The following CEP350 variants were observed in gnomAD, a reference collection of about 807,000 sequenced individuals.
The protein encoded by CEP350 is centrosome-associated protein 350.
Under a neutral mutation model 331.8 loss-of-function variants are expected in CEP350, and 126 were observed. The observed-to-expected ratio is 0.38, with a 90% confidence interval of 0.33 to 0.44. CEP350 has a LOEUF of 0.44. CEP350 is among the 20% of genes least tolerant of loss of function. CEP350 has a pLI of 1.00. For missense variants in CEP350, 3,406 were observed against 3,634.6 expected, an observed-to-expected ratio of 0.94 and a Z score of 1.62; for synonymous variants, 1,200 against 1,259.5, an observed-to-expected ratio of 0.95 and a Z score of 1.00.
chr1:179,969,117 C>T (rs919977075), intron 1 of CEP350: 35 of 666,408 alleles, frequency 5.3e-5, no homozygotes, highest in Admixed American at 4.9e-4. Flanking sequence ...ATTGCCATCC[C>T]GTGCAACAAT....
chr1:179,981,188 C>T (rs1018956984), intron 1 of CEP350, among the ~76,000 whole-genome samples: 6 of 151,996 alleles, frequency 3.9e-5, no homozygotes, highest in Non-Finnish European at 8.8e-5. Flanking sequence ...GACAAAAATT[C>T]AGTACTTCCA....
At chr1:180,044,850 GAATA>G (rs1423951704) in intron 21 of CEP350, among the ~76,000 whole-genome samples, 1 of 143,884 alleles carries the variant, frequency 7.0e-6, no homozygotes, top group Admixed American at 7.0e-5. Flanking sequence ...TAAAAAAAAA[GAATA>G]ATTAAACATA....
At chr1:180,095,455 C>T in intron 34 of CEP350, 68 bp from the exon 35 acceptor site, 1 of 1,508,672 alleles carries the variant, frequency 6.6e-7, no homozygotes. Context: ...TTTACTCTGT[C>T]TTTTTTTAAA....
intron 1 of CEP350, among the ~76,000 whole-genome samples, chr1:179,984,537 A>G (rs925857745): frequency 1.3e-5 from 2 of 152,192 alleles, no homozygotes; most frequent in Non-Finnish European, 2.9e-5. Context: ...CCAAAGAGAG[A>G]TGAGAATGCG....
At chr1:180,067,599 G>A (rs1658619560) in intron 27 of CEP350, among the ~76,000 whole-genome samples, 1 of 152,138 alleles carries the variant, frequency 6.6e-6, no homozygotes, top group Non-Finnish European at 1.5e-5. Flanking sequence ...TGAGGCAGGA[G>A]AATCACTTGA....
chr1:179,972,561 G>C (rs1296935310), intron 1 of CEP350, among the ~76,000 whole-genome samples: 1 of 152,160 alleles, frequency 6.6e-6, no homozygotes, highest in Non-Finnish European at 1.5e-5. Context: ...CTGGAGTGCA[G>C]TGGTGCAATA....
chr1:180,018,744 A>G (rs1655127074), intron 11 of CEP350, among the ~76,000 whole-genome samples: 1 of 152,162 alleles, frequency 6.6e-6, no homozygotes, highest in South Asian at 2.1e-4. Flanking sequence ...TGGGTCAGCC[A>G]TGCCTCCCAG....
chr1:180,016,658 A>AT lies in CEP350; in HGVS notation c.2174+689dup, dbSNP rs1307105087. Among the ~76,000 whole-genome samples, 42 of 86,712 alleles carry AT rather than the reference A, an allele frequency of 4.8e-4. 1 individual carries two copies. The highest frequency in any genetic ancestry group is 4.3e-3 in the South Asian group (9 of 2,084). 56.9% of individuals were successfully genotyped at this position (86,712 alleles called of 152,430 possible). ...CAAAATCACTATCCAATTTTGGGTT[A>AT]TGTTTTTTTTTTTTTTTTTTGGAGA... On this transcript the variant is annotated intron_variant, in intron 11 of 37. Coordinates refer to ENST00000367607, the MANE Select transcript of CEP350 (RefSeq NM_014810.5).
Position 180,095,771 on chromosome 1 carries a change from A to T in CEP350, c.8760A>T (p.Ala2920=). 6.2e-7 allele frequency: 1 copy of T among 1,614,020 alleles called. No homozygotes were observed. Among genetic ancestry groups the T allele is most frequent in the Non-Finnish European group, 8.5e-7 (1 of 1,179,878 alleles). ...CETLLAVPHT[A]EEVEILVHNA... ...CATTATTGGCAGTCCCCCATACTGC[A>T]GAAGAAGTAGAGATTCTTGTACATA... Residue 2920 remains alanine (A), a synonymous_variant, in exon 35 of 38, where the codon GCA becomes GCT. Transcript: ENST00000367607.
rs776987788 is a variant in CEP350, at chr1:180,020,989, C to G, written c.3215C>G (p.Ser1072Cys). 6.5e-7 allele frequency: 1 copy of G among 1,549,766 alleles called. No homozygotes were observed. Among genetic ancestry groups the G allele is most frequent in the Non-Finnish European group, 8.7e-7 (1 of 1,154,938 alleles). ...PHSVINIFTK[S>C]YQLYGKGFED... is the part of the protein sequence containing the mutation. Reference sequence around the variant, plus strand: ...AGCGTCATTAATATTTTTACAAAATCCTATCAGTTATATGGAAAAGGTGAG... The same window carrying G: ...AGCGTCATTAATATTTTTACAAAATGCTATCAGTTATATGGAAAAGGTGAG... The change falls in exon 12 of 38, where the codon TCC (serine) becomes TGC (cysteine). Residue 1072 changes from serine (S) to cysteine (C), a missense_variant. Ser to Cys is a moderately radical substitution (Grantham distance 112). This residue lies in a region of CEP350 where 1,857 missense variants were observed against 1,909.2 expected (regional missense o/e 0.97). Coordinates refer to ENST00000367607, the MANE Select transcript of CEP350 (RefSeq NM_014810.5).
At chr1:180,041,455 A>G (rs1383128850) in intron 18 of CEP350, among the ~76,000 whole-genome samples, 6 of 152,218 alleles carry the variant, frequency 3.9e-5, no homozygotes, top group Non-Finnish European at 7.3e-5. Context: ...AGTTTAGGGA[A>G]GTGGCAACTG....
At chr1:179,960,939 C>G (rs1650560413) in intron 1 of CEP350, among the ~76,000 whole-genome samples, 1 of 152,044 alleles carries the variant, frequency 6.6e-6, no homozygotes, top group East Asian at 1.9e-4. Context: ...AACTGGCATA[C>G]TGAGGGGTCT....
chr1:180,090,343 G>A (rs1037146965), intron 32 of CEP350, among the ~76,000 whole-genome samples: 6 of 151,322 alleles, frequency 4.0e-5, no homozygotes, highest in African/African-American at 1.2e-4. Flanking sequence ...TCAGGAGATC[G>A]AGACCATCCT....
chr1:180,048,441 T>TAA (rs1657272241), intron 21 of CEP350, 95 bp from the exon 22 acceptor site: 1 of 747,358 alleles, frequency 1.3e-6, no homozygotes, highest in East Asian at 2.5e-5. Context: ...ATCTTGACTA[T>TAA]AAAGTACAGT....
chr1:180,096,306 C>G (rs1383726539), intron 36 of CEP350, 122 bp downstream of exon 36: 1 of 1,035,026 alleles, frequency 9.7e-7, no homozygotes. Context: ...AGGACCTGTT[C>G]CATAGTGGGT....
intron 36 of CEP350, among the ~76,000 whole-genome samples, chr1:180,098,222 G>T (rs779868549): frequency 2.4e-4 from 37 of 152,178 alleles, no homozygotes; most frequent in Non-Finnish European, 7.3e-5. Flanking sequence ...CGCCGCCTTG[G>T]CCTTTCAAAG....
chr1:180,054,538 T>C (rs1250626929), intron 25 of CEP350, 36 bp downstream of exon 25: 3 of 1,441,730 alleles, frequency 2.1e-6, no homozygotes, highest in South Asian at 2.4e-5. Flanking sequence ...GGACAGCTTA[T>C]AAGGCAAGTT....
rs774283760 is a variant in CEP350 at position 180,020,060 on chromosome 1, C to G, written c.2286C>G (p.Leu762=). The change falls in exon 12 of 38, where the codon CTC becomes CTG. Residue 762 remains leucine (L), a synonymous_variant. Transcript: ENST00000367607. The part of the protein sequence containing the change: ...AGTAGSLLSH[L]LSLEHVGILH... ...CAGCTGGAAGTTTACTCTCCCATCTCTTGAGTTTAGAGCATGTAGGAATTT... is the reference window on the plus strand; with the variant it reads ...CAGCTGGAAGTTTACTCTCCCATCTGTTGAGTTTAGAGCATGTAGGAATTT... 1 of 1,614,010 alleles carries G rather than the reference C, an allele frequency of 6.2e-7. No individual in the cohort carries two copies. Among genetic ancestry groups the G allele is most frequent in the Non-Finnish European group, 8.5e-7 (1 of 1,179,900 alleles).
In CEP350 at chr1:180,054,471, G is replaced by A. The variant is rs760459972; in HGVS notation, c.5231G>A (p.Arg1744His). 10 of 1,602,292 alleles carry A rather than the reference G, an allele frequency of 6.2e-6. No individual in the cohort carries two copies. The highest frequency in any genetic ancestry group is 2.3e-5 in the South Asian group (2 of 88,376). The change falls in exon 25 of 38, where the codon CGT becomes CAT. Residue 1744 changes from arginine (R) to histidine (H), a missense_variant. This residue lies in a region of CEP350 where 104 missense variants were observed against 143.3 expected (regional missense o/e 0.73). Coordinates refer to ENST00000367607, the MANE Select transcript of CEP350 (RefSeq NM_014810.5). ...DKMPPLRKKQ[R>H]GLLLRLQQEK... is the part of the protein sequence containing the mutation. Reference sequence around the variant, plus strand: ...ATGCCCCCGCTCCGGAAGAAACAGCGTGGTTTGCTTTTAAGGTTGCAGCAA... The same window carrying A: ...ATGCCCCCGCTCCGGAAGAAACAGCATGGTTTGCTTTTAAGGTTGCAGCAA...
Sources: allele counts gnomAD v4.1 joint callset (sites outside exome capture counted in the v4.1 genomes callset), GRCh38; gene constraint gnomAD v4.1.1; regional missense constraint gnomAD v4.1.1; transcripts MANE v1.5; gene names NCBI Gene and HGNC (gene_info 2026-07-23, HGNC 2026-07-21).